The following TBCC variants were observed in gnomAD, a reference collection of about 807,000 sequenced individuals.
TBCC encodes the protein tubulin-specific chaperone C.
Under a neutral mutation model 25.3 loss-of-function variants are expected in TBCC, and 25 were observed. That is an observed-to-expected ratio of 0.99 (90% CI 0.72 to 1.38). The LOEUF is 1.38. Ranked by LOEUF, TBCC falls within the 40% of genes most tolerant of loss-of-function variation. TBCC has a pLI of 0.00. For synonymous variants in TBCC, 226 were observed against 192.8 expected (o/e 1.17, Z -1.43); for missense variants, 507 against 447.2 (o/e 1.13, Z -1.21).
rs2152015626 is a variant in TBCC, at chr6:42,745,190, C to T, written c.884G>A (p.Ser295Asn). ...GAAGTCCTTGTCGATCTCCGGGTAGCTCCAGGTGTAAGGGGCGAACTGGAT... is the reference window on the plus strand; with the variant it reads ...GAAGTCCTTGTCGATCTCCGGGTAGTTCCAGGTGTAAGGGGCGAACTGGAT... ...SGIQFAPYTW[S>N]YPEIDKDFES... is the part of the protein sequence containing the mutation. The change falls in exon 1 of 1, where the codon AGC becomes AAC. Residue 295 changes from serine (S) to asparagine (N), a missense_variant. By Grantham distance (46) the Ser-to-Asn change is conservative. Transcript: ENST00000372876. This position sits in a 1 kb window ranked among gnomAD's most constrained non-coding sequence, Gnocchi z 4.2. The T allele has an allele frequency of 6.2e-7, 1 of 1,614,220 alleles. No homozygotes were observed. The highest frequency in any genetic ancestry group is 2.2e-5 in the East Asian group (1 of 44,876).
rs757892065 is a variant in TBCC, at chr6:42,745,317, C to T, written c.757G>A (p.Val253Met). The change falls in exon 1 of 1, where the codon GTG becomes ATG. Residue 253 changes from valine to methionine, a missense_variant. Physicochemically the swap from Val to Met is conservative, Grantham distance 21 (BLOSUM62 1). Transcript: ENST00000372876. This position sits in a 1 kb window ranked among gnomAD's most constrained non-coding sequence, Gnocchi z 4.2. ...SVFLEDCSDCVLAVACQQLRI... is the reference protein window; with the variant it reads ...SVFLEDCSDCMLAVACQQLRI... Reference sequence around the variant, plus strand: ...AGCTGTTGGCAGGCCACTGCCAGCACGCAGTCACTGCAGTCCTCCAGGAAA... The same window carrying T: ...AGCTGTTGGCAGGCCACTGCCAGCATGCAGTCACTGCAGTCCTCCAGGAAA... The T allele has an allele frequency of 1.9e-6, 3 of 1,614,200 alleles. No homozygotes were observed. The highest frequency in any genetic ancestry group is 2.5e-6 in the Non-Finnish European group (3 of 1,180,034).
In TBCC at chr6:42,744,840, A is replaced by G. The variant is rs1012428651; in HGVS notation, c.*193T>C. ...ACTCAGTCTCAAAGGCATGACGAAA[A>G]TAGCAAAAATGCTTTAGTGTTATAC... On this transcript the variant is annotated 3_prime_UTR_variant, in exon 1 of 1. Coordinates refer to ENST00000372876, the MANE Select transcript of TBCC (RefSeq NM_003192.3). The G allele has an allele frequency of 1.6e-5, 10 of 615,008 alleles. No individual in the cohort carries two copies. Among genetic ancestry groups the G allele is most frequent in the Non-Finnish European group, 2.8e-5 (10 of 358,328 alleles). 38.1% of individuals were successfully genotyped at this position (615,008 alleles called of 1,614,324 possible).
Position 42,744,801 on chromosome 6 carries a change from G to A in TBCC, c.*232C>T. On this transcript the variant is annotated 3_prime_UTR_variant, in exon 1 of 1. Coordinates refer to ENST00000372876, the MANE Select transcript of TBCC (RefSeq NM_003192.3). ...GTAATCCCAGCGCGCCACCACGCTG[G>A]GGGACGGAGTAAGACTCAGTCTCAA... 2.3e-6 allele frequency: 1 copy of A among 426,698 alleles called. No homozygotes were observed. Among genetic ancestry groups the A allele is most frequent in the Non-Finnish European group, 4.1e-6 (1 of 242,926 alleles). 26.4% of individuals were successfully genotyped at this position (426,698 alleles called of 1,614,324 possible). A position where few individuals can be genotyped will look rare whatever the true frequency, so the allele number is the denominator to read the frequency against.
chr6:42,744,955 T>C lies in TBCC; in HGVS notation c.*78A>G. On this transcript the variant is annotated 3_prime_UTR_variant, in exon 1 of 1. Transcript: ENST00000372876. ...AAAACATACACAGTGTGACAATAAG[T>C]AAACTTCGAGACCCAATAAGGGGGA... 5.8e-6 allele frequency: 8 copies of C among 1,373,604 alleles called. No homozygotes were observed. The highest frequency in any genetic ancestry group is 1.3e-5 in the South Asian group (1 of 75,692). The allele number at this position is 1,373,604 out of a possible 1,614,324, so 85.1% of individuals were successfully genotyped here.
chr6:42,744,819 A>G lies in TBCC; in HGVS notation c.*214T>C. 1.8e-6 allele frequency: 1 copy of G among 547,352 alleles called. No individual in the cohort carries two copies. Among genetic ancestry groups the G allele is most frequent in the Non-Finnish European group, 3.2e-6 (1 of 311,098 alleles). The allele number at this position is 547,352 out of a possible 1,614,324, so 33.9% of individuals were successfully genotyped here. On this transcript the variant is annotated 3_prime_UTR_variant, in exon 1 of 1. Transcript: ENST00000372876. Reference sequence around the variant, plus strand: ...CACGCTGGGGGACGGAGTAAGACTCAGTCTCAAAGGCATGACGAAAATAGC... The same window carrying G: ...CACGCTGGGGGACGGAGTAAGACTCGGTCTCAAAGGCATGACGAAAATAGC...
rs141344378 is a variant in TBCC, at chr6:42,746,062, G to A, written c.12C>T (p.Val4=). ...TCCTGACAGCAGCAGCGGAGCAACT[G>A]ACGGACTCCATATTGGCTTCAAGCT... is the stretch of plus-strand genomic sequence containing the variant. MES[V]SCSAAAVRTG... The change falls in exon 1 of 1, where the codon GTC becomes GTT. Residue 4 remains valine (V), a synonymous_variant. Coordinates refer to ENST00000372876, the MANE Select transcript of TBCC (RefSeq NM_003192.3). The A allele has an allele frequency of 3.7e-5, 59 of 1,613,000 alleles. No individual in the cohort carries two copies. The highest frequency in any genetic ancestry group is 1.2e-4 in the Admixed American group (7 of 59,936).
rs777540210 is a variant in TBCC at position 42,745,762 on chromosome 6, G to A, written c.312C>T (p.Phe104=). Residue 104 remains phenylalanine (F), a synonymous_variant, in exon 1 of 1, where the codon TTC becomes TTT. Coordinates refer to ENST00000372876, the MANE Select transcript of TBCC (RefSeq NM_003192.3). The surrounding 1 kb of genome is among the most constrained non-coding windows in gnomAD (Gnocchi z 4.2). ...CCTGCCGCAGGTCGTAAGCGGCTAG[G>A]AAAAAAACTGAGTCGTTGATTAGTT... ...LQKLINDSVF[F]LAAYDLRQGQ... 5 of 1,613,914 alleles carry A rather than the reference G, an allele frequency of 3.1e-6. No homozygotes were observed. The highest frequency in any genetic ancestry group is 3.3e-5 in the Admixed American group (2 of 60,026).
In TBCC at chr6:42,745,132, G is replaced by A. The variant is rs776106694; in HGVS notation, c.942C>T (p.Asn314=). The change falls in exon 1 of 1, where the codon AAC becomes AAT. Residue 314 remains asparagine (N), a synonymous_variant. Coordinates refer to ENST00000372876, the MANE Select transcript of TBCC (RefSeq NM_003192.3). This position sits in a 1 kb window ranked among gnomAD's most constrained non-coding sequence, Gnocchi z 4.2. ...AGTTAAAATCGTCAACATCGTTCCA[G>A]TTATTTTTGCTCCTATCTAAACCAG... The part of the protein sequence containing the change: ...ESSGLDRSKN[N]WNDVDDFNWL... 6.2e-7 allele frequency: 1 copy of A among 1,614,220 alleles called. No homozygotes were observed. Among genetic ancestry groups the A allele is most frequent in the East Asian group, 2.2e-5 (1 of 44,882 alleles).
At position 42,744,869 on chromosome 6, in the gene TBCC, T is replaced by A. The variant is rs1435804967; in HGVS notation, c.*164A>T. Reference sequence around the variant, plus strand: ...CAAAAATGCTTTAGTGTTATACCTGTTACGAATTTAATGGAAATTACAAGT... The same window carrying A: ...CAAAAATGCTTTAGTGTTATACCTGATACGAATTTAATGGAAATTACAAGT... On this transcript the variant is annotated 3_prime_UTR_variant, in exon 1 of 1. Transcript: ENST00000372876. 1.4e-6 allele frequency: 1 copy of A among 692,842 alleles called. No individual in the cohort carries two copies. Among genetic ancestry groups the A allele is most frequent in the Admixed American group, 2.9e-5 (1 of 34,158 alleles). The allele number at this position is 692,842 out of a possible 1,614,324, so 42.9% of individuals were successfully genotyped here. A position where few individuals can be genotyped will look rare whatever the true frequency, so the allele number is the denominator to read the frequency against.
rs1304808885 is a variant in TBCC, at chr6:42,745,885, G to A, written c.189C>T (p.Thr63=). 1.2e-6 allele frequency: 2 copies of A among 1,614,066 alleles called. No individual in the cohort carries two copies. Among genetic ancestry groups the A allele is most frequent in the Non-Finnish European group, 8.5e-7 (1 of 1,180,048 alleles). The change falls in exon 1 of 1, where the codon ACC becomes ACT. Residue 63 remains threonine (T), a synonymous_variant. Transcript: ENST00000372876. The surrounding 1 kb of genome is among the most constrained non-coding windows in gnomAD (Gnocchi z 4.2). The part of the protein sequence containing the change: ...EKENSHFFVA[T]FVRERAAVEE... Reference sequence around the variant, plus strand: ...CCACGGCCGCTCGCTCCCGAACAAAGGTGGCGACGAAAAAGTGGCTGTTCT... The same window carrying A: ...CCACGGCCGCTCGCTCCCGAACAAAAGTGGCGACGAAAAAGTGGCTGTTCT...
Position 42,745,902 on chromosome 6 carries a change from G to A in TBCC, c.172C>T (p.His58Tyr), listed in dbSNP as rs757149636. Residue 58 changes from histidine (H) to tyrosine (Y), a missense_variant, in exon 1 of 1, where the codon CAC (histidine) becomes TAC (tyrosine). Physicochemically the swap from His to Tyr is moderately conservative, Grantham distance 83. Transcript: ENST00000372876. This position sits in a 1 kb window ranked among gnomAD's most constrained non-coding sequence, Gnocchi z 4.2. Reference sequence around the variant, plus strand: ...CGAACAAAGGTGGCGACGAAAAAGTGGCTGTTCTCCTTCTCTACCTCCTGG... The same window carrying A: ...CGAACAAAGGTGGCGACGAAAAAGTAGCTGTTCTCCTTCTCTACCTCCTGG... The part of the protein sequence containing the change: ...QNQEVEKENS[H>Y]FFVATFVRER... The A allele has an allele frequency of 7.4e-6, 12 of 1,614,036 alleles. 1 individual carries two copies. Among genetic ancestry groups the A allele is most frequent in the Middle Eastern group, 1.6e-4 (1 of 6,084 alleles).
Position 42,745,927 on chromosome 6 carries a change from G to A in TBCC, c.147C>T (p.Asn49=). 1 of 1,614,178 alleles carries A rather than the reference G, an allele frequency of 6.2e-7. No individual in the cohort carries two copies. The highest frequency in any genetic ancestry group is 8.5e-7 in the Non-Finnish European group (1 of 1,180,038). Residue 49 remains asparagine (N), a synonymous_variant, in exon 1 of 1, where the codon AAC becomes AAT. Coordinates refer to ENST00000372876, the MANE Select transcript of TBCC (RefSeq NM_003192.3). The surrounding 1 kb of genome is among the most constrained non-coding windows in gnomAD (Gnocchi z 4.2). The part of the protein sequence containing the change: ...EVERRKQKRQ[N]QEVEKENSHF... ...GGCTGTTCTCCTTCTCTACCTCCTG[G>A]TTCTGCCGCTTTTGTTTCCGCCTTT...
Position 42,745,662 on chromosome 6 carries a change from C to A in TBCC, c.412G>T (p.Ala138Ser), listed in dbSNP as rs779052800. 6.2e-7 allele frequency: 1 copy of A among 1,611,708 alleles called. No individual in the cohort carries two copies. Among genetic ancestry groups the A allele is most frequent in the East Asian group, 2.2e-5 (1 of 44,860 alleles). Residue 138 changes from alanine (A) to serine (S), a missense_variant, in exon 1 of 1, where the codon GCT (alanine) becomes TCT (serine). Physicochemically the swap from Ala to Ser is moderately conservative, Grantham distance 99. Transcript: ENST00000372876. This position sits in a 1 kb window ranked among gnomAD's most constrained non-coding sequence, Gnocchi z 4.2. ...GCATCCTTTCCCCGGGTCTTGAAAG[C>A]GAAACGCTTCTTGGGCTGCAGCCCC... Reference protein sequence around the residue: ...RRGLQPKKRFAFKTRGKDAAS... With the variant: ...RRGLQPKKRFSFKTRGKDAAS...
rs553492835 is a variant in TBCC, at chr6:42,745,524, A to T, written c.550T>A (p.Cys184Ser). 6.2e-7 allele frequency: 1 copy of T among 1,611,152 alleles called. No individual in the cohort carries two copies. The highest frequency in any genetic ancestry group is 1.3e-5 in the African/African-American group (1 of 75,024). Residue 184 changes from cysteine (C) to serine (S), a missense_variant, in exon 1 of 1, where the codon TGC (cysteine) becomes AGC (serine). Coordinates refer to ENST00000372876, the MANE Select transcript of TBCC (RefSeq NM_003192.3). The surrounding 1 kb of genome is among the most constrained non-coding windows in gnomAD (Gnocchi z 4.2). ...AEGDLGPSWV[C>S]GFSNLESQVL... The stretch of plus-strand genomic sequence containing the variant: ...TGGGACTCCAGGTTGGAGAAACCGC[A>T]GACCCAGCTGGGGCCGAGGTCTCCT...
At position 42,746,070 on chromosome 6, in the gene TBCC, C is replaced by T. The variant is rs1239399570; in HGVS notation, c.4G>A (p.Glu2Lys). M[E>K]SVSCSAAAVR... ...GCAGCAGCGGAGCAACTGACGGACT[C>T]CATATTGGCTTCAAGCTTCCTCTCT... The change falls in exon 1 of 1, where the codon GAG (glutamate) becomes AAG (lysine). Residue 2 changes from glutamate (E) to lysine (K), a missense_variant. Coordinates refer to ENST00000372876, the MANE Select transcript of TBCC (RefSeq NM_003192.3). The T allele has an allele frequency of 6.2e-7, 1 of 1,610,710 alleles. No individual in the cohort carries two copies. Among genetic ancestry groups the T allele is most frequent in the Non-Finnish European group, 8.5e-7 (1 of 1,177,806 alleles).
At position 42,745,339 on chromosome 6, in the gene TBCC, G is replaced by A; in HGVS notation, c.735C>T (p.Phe245=). The A allele has an allele frequency of 1.2e-6, 2 of 1,614,246 alleles. No homozygotes were observed. The highest frequency in any genetic ancestry group is 1.7e-6 in the Non-Finnish European group (2 of 1,180,044). ...GCACGCAGTCACTGCAGTCCTCCAG[G>A]AAAACAGAGGTAGACACCGGACCGC... ...LLCGPVSTSV[F]LEDCSDCVLA... Residue 245 remains phenylalanine (F), a synonymous_variant, in exon 1 of 1, where the codon TTC becomes TTT. Coordinates refer to ENST00000372876, the MANE Select transcript of TBCC (RefSeq NM_003192.3). This position sits in a 1 kb window ranked among gnomAD's most constrained non-coding sequence, Gnocchi z 4.2.
In TBCC at chr6:42,745,749, C is replaced by A; in HGVS notation, c.325G>T (p.Asp109Tyr). The A allele has an allele frequency of 6.2e-7, 1 of 1,613,956 alleles. No homozygotes were observed. The highest frequency in any genetic ancestry group is 8.5e-7 in the Non-Finnish European group (1 of 1,179,996). The change falls in exon 1 of 1, where the codon GAC (aspartate) becomes TAC (tyrosine). Residue 109 changes from aspartate (D) to tyrosine (Y), a missense_variant. Coordinates refer to ENST00000372876, the MANE Select transcript of TBCC (RefSeq NM_003192.3). This position sits in a 1 kb window ranked among gnomAD's most constrained non-coding sequence, Gnocchi z 4.2. ...AGCGCCTCTTGTCCCTGCCGCAGGT[C>A]GTAAGCGGCTAGGAAAAAAACTGAG... is the stretch of plus-strand genomic sequence containing the variant. ...NDSVFFLAAY[D>Y]LRQGQEALAR...
rs1300427694 is a variant in TBCC, at chr6:42,745,591, T to C, written c.483A>G (p.Ala161=). The C allele has an allele frequency of 6.2e-7, 1 of 1,611,356 alleles. No individual in the cohort carries two copies. Among genetic ancestry groups the C allele is most frequent in the Non-Finnish European group, 8.5e-7 (1 of 1,178,326 alleles). The change falls in exon 1 of 1, where the codon GCA becomes GCG. Residue 161 remains alanine (A), a synonymous_variant. Transcript: ENST00000372876. This position sits in a 1 kb window ranked among gnomAD's most constrained non-coding sequence, Gnocchi z 4.2. ...KVDAAPGIPP[A]VESIQDSPLP... ...GCGGGGAGTCCTGTATGCTTTCAAC[T>C]GCCGGGGGGATGCCAGGAGCCGCGT... is the stretch of plus-strand genomic sequence containing the variant.
At position 42,745,651 on chromosome 6, in the gene TBCC, G is replaced by T. The variant is rs1158587135; in HGVS notation, c.423C>A (p.Thr141=). The T allele has an allele frequency of 6.2e-7, 1 of 1,612,212 alleles. No individual in the cohort carries two copies. Among genetic ancestry groups the T allele is most frequent in the East Asian group, 2.2e-5 (1 of 44,852 alleles). The change falls in exon 1 of 1, where the codon ACC becomes ACA. Residue 141 remains threonine (T), a synonymous_variant. Coordinates refer to ENST00000372876, the MANE Select transcript of TBCC (RefSeq NM_003192.3). The surrounding 1 kb of genome is among the most constrained non-coding windows in gnomAD (Gnocchi z 4.2). The part of the protein sequence containing the change: ...LQPKKRFAFK[T]RGKDAASSTK... The stretch of plus-strand genomic sequence containing the variant: ...TAGACGAAGCAGCATCCTTTCCCCG[G>T]GTCTTGAAAGCGAAACGCTTCTTGG...
Sources: gnomAD v4.1 joint callset for allele counts on GRCh38, gnomAD v4.1.1 for gene constraint, Gnocchi (gnomAD v3.1) non-coding constraint, MANE v1.5 for transcripts, NCBI Gene and HGNC (gene_info 2026-07-23, HGNC 2026-07-21) for gene names.